The following EXOC2 variants were observed in gnomAD, a reference collection of about 807,000 sequenced individuals.
The protein encoded by EXOC2 is exocyst complex component 2, also known as SEC5-like 1.
EXOC2 carries 70 observed loss-of-function variants against 131.8 expected under a neutral mutation model. The ratio of observed to expected loss-of-function variants is 0.53; its 90% CI spans 0.44 to 0.65. EXOC2 has a LOEUF of 0.65. Among genes scored for constraint, EXOC2 ranks in the 30% least tolerant of loss-of-function variants. The pLI is 0.00. For missense variants in EXOC2, 923 were observed against 1,108.6 expected, an observed-to-expected ratio of 0.83 and a Z score of 2.38; for synonymous variants, 411 against 398.4, an observed-to-expected ratio of 1.03 and a Z score of -0.38.
At chr6:571,799 G>A (rs560976474) in intron 13 of EXOC2, among the ~76,000 whole-genome samples, 8 of 152,280 alleles carry the variant, frequency 5.3e-5, no homozygotes, top group East Asian at 1.9e-4. Flanking sequence ...AGTCTCCCAC[G>A]GGGGTGCCCT....
chr6:575,712 CAGACTAACACAGCTTAATATGGCAGCA>C (rs1348964810), intron 12 of EXOC2, among the ~76,000 whole-genome samples: 5 of 152,202 alleles, frequency 3.3e-5, no homozygotes, highest in Admixed American at 6.5e-5. Flanking sequence ...GCAACACAAA[CAGACTAACACAGCTTAATATGGCAGCA>C]AATGGATTCT....
Position 555,993 on chromosome 6 carries a change from T to C in EXOC2, c.1953A>G (p.Thr651=). Residue 651 remains threonine, a synonymous_variant, in exon 19 of 28, where the codon ACA becomes ACG. Coordinates refer to ENST00000230449, the MANE Select transcript of EXOC2 (RefSeq NM_018303.6). ...GEASVFQQPK[T]QEEVCQLSIN... ...TGCTTAGCTGGCAAACCTCCTCCTG[T>C]GTTTTAGGTTGTTGGAAGACCTGTA... The C allele has an allele frequency of 6.2e-7, 1 of 1,614,142 alleles. No individual in the cohort carries two copies. Among genetic ancestry groups the C allele is most frequent in the Non-Finnish European group, 8.5e-7 (1 of 1,180,010 alleles).
intron 7 of EXOC2, among the ~76,000 whole-genome samples, chr6:599,477 A>G (rs994002793): frequency 6.6e-5 from 10 of 152,210 alleles, no homozygotes; most frequent in Admixed American, 1.3e-4. Context: ...TAAATTCTCT[A>G]ATGTGAACCT....
intron 26 of EXOC2, among the ~76,000 whole-genome samples, chr6:490,208 A>C (rs1014368496): frequency 1.3e-5 from 2 of 152,264 alleles, no homozygotes; most frequent in Non-Finnish European, 2.9e-5. Flanking sequence ...CACCCTCAAA[A>C]GCTTGCCTAG....
intron 1 of EXOC2, among the ~76,000 whole-genome samples, chr6:658,593 A>G (rs1264550465): frequency 6.8e-6 from 1 of 146,234 alleles, no homozygotes; most frequent in Non-Finnish European, 1.5e-5. Context: ...GAATGTATGA[A>G]ATGTATAAAT....
At chr6:595,717 C>T (rs1759775530) in intron 10 of EXOC2, among the ~76,000 whole-genome samples, 1 of 152,008 alleles carries the variant, frequency 6.6e-6, no homozygotes, top group African/African-American at 2.4e-5. Flanking sequence ...CAAGTGTAAA[C>T]AGGCCAGAAA....
intron 19 of EXOC2, 62 bp downstream of exon 19, chr6:555,892 G>A (rs961625956): frequency 1.3e-6 from 2 of 1,486,134 alleles, no homozygotes; most frequent in Non-Finnish European, 1.9e-6. Flanking sequence ...ATAAATAGGA[G>A]AGGGGTTGAC....
At chr6:493,431 A>C (rs1763549440) in intron 25 of EXOC2, among the ~76,000 whole-genome samples, 1 of 152,260 alleles carries the variant, frequency 6.6e-6, no homozygotes, top group Non-Finnish European at 1.5e-5. Flanking sequence ...GAGAAAGATT[A>C]AATTACTACA....
At chr6:643,348 T>A (rs1374590673) in intron 1 of EXOC2, among the ~76,000 whole-genome samples, 1 of 72,966 alleles carries the variant, frequency 1.4e-5, no homozygotes, top group Non-Finnish European at 3.6e-5. Context: ...TCACAGGCAA[T>A]TCCAAAGACC....
chr6:537,195 T>C (rs573244286), intron 22 of EXOC2, among the ~76,000 whole-genome samples: 26 of 149,674 alleles, frequency 1.7e-4, no homozygotes, highest in African/African-American at 2.7e-4. Flanking sequence ...CGACGGAGCG[T>C]ACACTCGAGA....
chr6:624,863 C>T (rs942973096), intron 4 of EXOC2, among the ~76,000 whole-genome samples: 6 of 152,188 alleles, frequency 3.9e-5, no homozygotes, highest in African/African-American at 1.4e-4. Context: ...TCGGATTCTA[C>T]ATTTCCAAGT....
At chr6:505,340 T>C (rs1049312143) in intron 23 of EXOC2, among the ~76,000 whole-genome samples, 1 of 152,312 alleles carries the variant, frequency 6.6e-6, no homozygotes, top group East Asian at 1.9e-4. Context: ...GGGAAGACTT[T>C]GCTTCTGTGG....
chr6:658,824 G>A (rs1224925219), intron 1 of EXOC2, among the ~76,000 whole-genome samples: 1 of 151,430 alleles, frequency 6.6e-6, no homozygotes, highest in African/African-American at 2.4e-5. Flanking sequence ...ACCATGCCCA[G>A]CTAATTTTTG....
intron 26 of EXOC2, 55 bp from the exon 27 acceptor site, chr6:489,093 C>CA: frequency 6.4e-7 from 1 of 1,550,622 alleles, no homozygotes; most frequent in Non-Finnish European, 8.9e-7. Flanking sequence ...GAACTGCTGA[C>CA]AAATTCTTAA....
intron 23 of EXOC2, among the ~76,000 whole-genome samples, chr6:513,197 T>C (rs963264718): frequency 5.3e-5 from 8 of 152,232 alleles, no homozygotes; most frequent in Non-Finnish European, 1.0e-4. Context: ...TTATCTTCAG[T>C]GTGCTCCAGT....
At position 601,282 on chromosome 6, in the gene EXOC2, G is replaced by C. The variant is rs1299022632; in HGVS notation, c.743-2057C>G. ...CATTCTCACACCAAGAACACCCCGT[G>C]TGCGAATCCACACACATTCTCACAC... On this transcript the variant is annotated intron_variant, in intron 7 of 27. Transcript: ENST00000230449. Among the ~76,000 whole-genome samples the C allele has an allele frequency of 2.3e-4, 18 of 77,474 alleles. 1 individual carries two copies. Among genetic ancestry groups the C allele is most frequent in the African/African-American group, 7.1e-4 (12 of 16,926 alleles). 50.8% of individuals were successfully genotyped at this position (77,474 alleles called of 152,430 possible). A position where few individuals can be genotyped will look rare whatever the true frequency, so the allele number is the denominator to read the frequency against.
At chr6:566,374 C>T (rs1046052026) in intron 13 of EXOC2, among the ~76,000 whole-genome samples, 1 of 152,186 alleles carries the variant, frequency 6.6e-6, no homozygotes, top group African/African-American at 2.4e-5. Context: ...CCCAGGTGAA[C>T]ACAGCCACAC....
chr6:687,619 A>G (rs889164598), intron 1 of EXOC2, among the ~76,000 whole-genome samples: 2 of 152,232 alleles, frequency 1.3e-5, no homozygotes, highest in East Asian at 3.8e-4. Context: ...AGGGCTGTGA[A>G]AAGGAAACAT....
chr6:543,050 C>T (rs975179102), intron 22 of EXOC2, among the ~76,000 whole-genome samples: 12 of 152,034 alleles, frequency 7.9e-5, no homozygotes, highest in African/African-American at 2.2e-4. Context: ...GCAAAGCAAC[C>T]GCTAGGAAGG....
Sources: allele counts gnomAD v4.1 joint callset (sites outside exome capture counted in the v4.1 genomes callset), GRCh38; gene constraint gnomAD v4.1.1; transcripts MANE v1.5; gene names NCBI Gene and HGNC (gene_info 2026-07-23, HGNC 2026-07-21).